The following ANKRD16 variants were observed in gnomAD, a reference collection of about 807,000 sequenced individuals.
ANKRD16 encodes ankyrin repeat domain-containing protein 16.
Under a neutral mutation model 37.9 loss-of-function variants are expected in ANKRD16, and 35 were observed. The ratio of observed to expected loss-of-function variants is 0.92; its 90% CI spans 0.71 to 1.23. ANKRD16 has a LOEUF of 1.23. Ranked by LOEUF, ANKRD16 falls within the 50% of genes most tolerant of loss-of-function variation. The pLI is 0.00. For synonymous variants in ANKRD16, 206 were observed against 197.2 expected (o/e 1.04, Z -0.37); for missense variants, 480 against 469.9 (o/e 1.02, Z -0.20).
In ANKRD16 at chr10:5,887,878, GCT is replaced by G; in HGVS notation, c.502_503del (p.Ser168GlnfsTer3). On this transcript the variant is annotated frameshift_variant, in exon 2 of 8. Coordinates refer to ENST00000380094, the MANE Select transcript of ANKRD16 (RefSeq NM_019046.3). LOFTEE classifies it high-confidence loss of function. ...TATGCAGAGGAGTCCTTCTAATTTTGCTCTCTGTCTTCCAGGCACCTGGGCAA... is the reference window on the plus strand; with the variant it reads ...TATGCAGAGGAGTCCTTCTAATTTTGCTCTGTCTTCCAGGCACCTGGGCAA... The part of the protein sequence containing the change: ...TVCPGAWKTE[S>X]KIRRTPLHTA... 3 of 1,613,984 alleles carry G rather than the reference GCT, an allele frequency of 1.9e-6. No homozygotes were observed. Among genetic ancestry groups the G allele is most frequent in the Middle Eastern group, 1.7e-4 (1 of 5,984 alleles).
intron 7 of ANKRD16, among the ~76,000 whole-genome samples, chr10:5,872,791 C>T (rs531224273): frequency 1.1e-4 from 16 of 151,888 alleles, no homozygotes; most frequent in East Asian, 3.9e-4. Context: ...TTCCTGACCT[C>T]GTGATCTGCC....
intron 5 of ANKRD16, chr10:5,880,965 C>CT (rs36119022): frequency 0.44 from 60,427 of 136,590 alleles, 14,467 homozygotes; most frequent in African/African-American, 0.56. Context: ...CTAATTTATT[C>CT]TTTTTTTTTT....
chr10:5,862,360 G>A lies in ANKRD16; in HGVS notation c.*365C>T, dbSNP rs565314162. The A allele has an allele frequency of 1.9e-4, 83 of 440,592 alleles. 1 individual carries two copies. The highest frequency in any genetic ancestry group is 1.4e-3 in the African/African-American group (69 of 48,914). 27.3% of individuals were successfully genotyped at this position (440,592 alleles called of 1,614,324 possible). On this transcript the variant is annotated 3_prime_UTR_variant, in exon 8 of 8. Transcript: ENST00000380094. The surrounding 1 kb of genome is among the most constrained non-coding windows in gnomAD (Gnocchi z 6.5). ...GTCGGTGGTTCCTGAGGGTTGTGAC[G>A]ATCAGGGCAGAGGCAGAAGGCACCA...
chr10:5,888,000 C>T lies in ANKRD16; in HGVS notation c.382G>A (p.Ala128Thr), dbSNP rs537519126. The change falls in exon 2 of 8, where the codon GCC becomes ACC. Residue 128 changes from alanine to threonine, a missense_variant. Transcript: ENST00000380094. ...GVIQELVEHGANPLLKNKDGW... is the reference protein window; with the variant it reads ...GVIQELVEHGTNPLLKNKDGW... The stretch of plus-strand genomic sequence containing the variant: ...TCTTTGTTCTTCAGGAGTGGATTGG[C>T]GCCATGTTCCACCAGCTCCTGGATC... The T allele has an allele frequency of 2.2e-5, 35 of 1,614,186 alleles. No homozygotes were observed. In the East Asian group the frequency reaches 6.9e-4, roughly 32 times the overall value.
chr10:5,875,713 C>CTTTT (rs71388492), intron 7 of ANKRD16, among the ~76,000 whole-genome samples: 1 of 106,384 alleles, frequency 9.4e-6, no homozygotes, highest in Admixed American at 9.7e-5. Context: ...AATTAATGTT[C>CTTTT]TTTTTTTTTT....
At position 5,870,056 on chromosome 10, in the gene ANKRD16, C is replaced by T. The variant is rs946918169; in HGVS notation, c.*34-7365G>A. On this transcript the variant is annotated intron_variant, in intron 7 of 7. Transcript: ENST00000380094. The surrounding 1 kb of genome is among the most constrained non-coding windows in gnomAD (Gnocchi z 5.0). ...TTAACAAGACTCTAGTTGCTTCGTACAGACATTAGACTCATTCCTCCTCCT... is the reference window on the plus strand; with the variant it reads ...TTAACAAGACTCTAGTTGCTTCGTATAGACATTAGACTCATTCCTCCTCCT... Among the ~76,000 whole-genome samples the T allele has an allele frequency of 1.1e-4, 17 of 152,102 alleles. No homozygotes were observed. The highest frequency in any genetic ancestry group is 2.1e-4 in the South Asian group (1 of 4,822).
Position 5,866,361 on chromosome 10 carries a change from G to A in ANKRD16, c.*34-3670C>T, listed in dbSNP as rs1842014151. 6.6e-6 allele frequency among the ~76,000 whole-genome samples: 1 copy of A among 152,192 alleles called. No individual in the cohort carries two copies. ...TCTATATACTGATGAAAGTTCATTT[G>A]TGGTGGAGAATTGGATACGAAGGGC... On this transcript the variant is annotated intron_variant, in intron 7 of 7. Coordinates refer to ENST00000380094, the MANE Select transcript of ANKRD16 (RefSeq NM_019046.3). This position sits in a 1 kb window ranked among gnomAD's most constrained non-coding sequence, Gnocchi z 4.3.
rs1030710090 is a variant in ANKRD16 at position 5,870,097 on chromosome 10, C to G, written c.*34-7406G>C. 1.3e-5 allele frequency among the ~76,000 whole-genome samples: 2 copies of G among 152,092 alleles called. No homozygotes were observed. The highest frequency in any genetic ancestry group is 4.8e-5 in the African/African-American group (2 of 41,394). On this transcript the variant is annotated intron_variant, in intron 7 of 7. Transcript: ENST00000380094. The surrounding 1 kb of genome is among the most constrained non-coding windows in gnomAD (Gnocchi z 5.0). ...TCCTCCTCCTCACTTTCTGTTGGAC[C>G]ATTCTCTCAGCAATCTGTAAACTGT... is the stretch of plus-strand genomic sequence containing the variant.
At chr10:5,883,303 G>T in intron 4 of ANKRD16, 136 bp from the exon 5 acceptor site, 1 of 910,292 alleles carries the variant, frequency 1.1e-6, no homozygotes, top group Non-Finnish European at 1.6e-6. Flanking sequence ...TGTGGCTTTT[G>T]TCTGATTTTC....
At position 5,889,418 on chromosome 10, in the gene ANKRD16, A is replaced by G. The variant is rs543376199; in HGVS notation, c.-64T>C. 3.5e-5 allele frequency: 39 copies of G among 1,119,516 alleles called. No homozygotes were observed. In the African/African-American group the frequency reaches 5.6e-4, roughly 16 times the overall value. The allele number at this position is 1,119,516 out of a possible 1,614,324, so 69.3% of individuals were successfully genotyped here. A position where few individuals can be genotyped will look rare whatever the true frequency, so the allele number is the denominator to read the frequency against. ...GCGGGACACCGGCGGCCGGGCAGGG[A>G]GAAGCCGAGGGCGAGTGGGACTTTC... On this transcript the variant is annotated 5_prime_UTR_variant, in exon 1 of 8. Coordinates refer to ENST00000380094, the MANE Select transcript of ANKRD16 (RefSeq NM_019046.3).
In ANKRD16 at chr10:5,863,268, T is replaced by G. The variant is rs980230; in HGVS notation, c.*34-577A>C. Among the ~76,000 whole-genome samples, 1 of 151,740 alleles carries G rather than the reference T, an allele frequency of 6.6e-6. No homozygotes were observed. ...AGTCCTCCAGATGGGTGGGCAGCAC[T>G]GGGCCTGAGGTGAATGTTACTGTGC... is the stretch of plus-strand genomic sequence containing the variant. On this transcript the variant is annotated intron_variant, in intron 7 of 7. Coordinates refer to ENST00000380094, the MANE Select transcript of ANKRD16 (RefSeq NM_019046.3). The surrounding 1 kb of genome is among the most constrained non-coding windows in gnomAD (Gnocchi z 4.7).
intron 6 of ANKRD16, among the ~76,000 whole-genome samples, chr10:5,880,004 C>G (rs1039858411): frequency 5.3e-5 from 8 of 151,530 alleles, no homozygotes; most frequent in African/African-American, 1.5e-4. Flanking sequence ...ACTAAAAATA[C>G]AAAAATTAGC....
rs1369737945 is a variant in ANKRD16 at position 5,880,246 on chromosome 10, TG to T, written c.928+51del. The T allele has an allele frequency of 7.1e-6, 6 of 848,534 alleles. No individual in the cohort carries two copies. The African/African-American group carries it at 9.0e-5, about 13-fold the overall frequency. 52.6% of individuals were successfully genotyped at this position (848,534 alleles called of 1,614,324 possible). ...CATTGTTTTAAATATAAAAGTGTAT[TG>T]GTTATACTCAGTTTACTAATTTCCA... On this transcript the variant is annotated intron_variant, in intron 6 of 7. Transcript: ENST00000380094.
intron 2 of ANKRD16, among the ~76,000 whole-genome samples, chr10:5,886,851 T>C (rs1297174563): frequency 6.6e-6 from 1 of 152,304 alleles, no homozygotes; most frequent in Non-Finnish European, 1.5e-5. Flanking sequence ...AATCTACAAA[T>C]AGATAATTCA....
In ANKRD16 at chr10:5,868,769, G is replaced by T. The variant is rs1164003916; in HGVS notation, c.*34-6078C>A. Among the ~76,000 whole-genome samples, 3 of 152,166 alleles carry T rather than the reference G, an allele frequency of 2.0e-5. No homozygotes were observed. The highest frequency in any genetic ancestry group is 4.4e-5 in the Non-Finnish European group (3 of 68,040). On this transcript the variant is annotated intron_variant, in intron 7 of 7. Coordinates refer to ENST00000380094, the MANE Select transcript of ANKRD16 (RefSeq NM_019046.3). The surrounding 1 kb of genome is among the most constrained non-coding windows in gnomAD (Gnocchi z 4.9). Reference sequence around the variant, plus strand: ...TTAAGAGCTGTAACATTCACTGCGAGGGTCTGCGGCTTCATTCCTTAAGTC... The same window carrying T: ...TTAAGAGCTGTAACATTCACTGCGATGGTCTGCGGCTTCATTCCTTAAGTC...
chr10:5,873,532 C>CTA (rs1253589512), intron 7 of ANKRD16, among the ~76,000 whole-genome samples: 6 of 152,134 alleles, frequency 3.9e-5, no homozygotes, highest in Non-Finnish European at 7.4e-5. Flanking sequence ...GGTGGTGGAA[C>CTA]TATAGATTAT....
intron 7 of ANKRD16, among the ~76,000 whole-genome samples, chr10:5,867,190 TCCTATCAAA>T (rs1842028082): frequency 6.6e-6 from 1 of 152,194 alleles, no homozygotes; most frequent in African/African-American, 2.4e-5. Flanking sequence ...CCCATAGCCT[TCCTATCAAA>T]AATCCTTAAC....
intron 5 of ANKRD16, among the ~76,000 whole-genome samples, chr10:5,880,921 C>T (rs1037649677): frequency 2.0e-5 from 3 of 151,326 alleles, no homozygotes; most frequent in African/African-American, 4.9e-5. Flanking sequence ...CTAAAACAGT[C>T]GACTGCTAAA....
chr10:5,880,484 C>T, intron 5 of ANKRD16, 108 bp from the exon 6 acceptor site: 2 of 583,432 alleles, frequency 3.4e-6, no homozygotes, highest in Non-Finnish European at 2.8e-6. Flanking sequence ...TTTATTTTGC[C>T]AAGGTTAAGG....
Sources: gnomAD v4.1 joint callset for allele counts (sites outside exome capture counted in the v4.1 genomes callset) on GRCh38, gnomAD v4.1.1 for gene constraint, Gnocchi (gnomAD v3.1) non-coding constraint, MANE v1.5 for transcripts, NCBI Gene and HGNC (gene_info 2026-07-23, HGNC 2026-07-21) for gene names.